The following C14orf132 variants were observed in gnomAD, a reference collection of about 807,000 sequenced individuals.
C14orf132 encodes chromosome 14 open reading frame 132, also known as uncharacterized protein C14orf132.
Under a neutral mutation model 5.8 loss-of-function variants are expected in C14orf132, and 6 were observed. That is an observed-to-expected ratio of 1.03 (90% confidence interval 0.57 to 2.04). C14orf132 has a LOEUF of 2.04. Among genes scored for constraint, C14orf132 ranks in the 30% most tolerant of loss-of-function variants. The probability of loss-of-function intolerance (pLI) is 0.00; values close to 1 mark genes in which losing one functional copy is unlikely to be tolerated. For synonymous variants in C14orf132, 51 were observed against 49.8 expected, an observed-to-expected ratio of 1.02 and a Z score of -0.10; for missense variants, 125 against 115.8, an observed-to-expected ratio of 1.08 and a Z score of -0.37.
At chr14:96,070,579 A>G (rs1887675144) in intron 1 of C14orf132, among the ~76,000 whole-genome samples, 1 of 135,924 alleles carries the variant, frequency 7.4e-6, no homozygotes, top group African/African-American at 2.9e-5. Flanking sequence ...AGGGTAGATG[A>G]AGTCTCTCTC....
At chr14:96,052,356 A>C (rs1370744515) in intron 1 of C14orf132, among the ~76,000 whole-genome samples, 1 of 152,178 alleles carries the variant, frequency 6.6e-6, no homozygotes, top group Admixed American at 6.5e-5. Context: ...AAGAATTGAG[A>C]GGGGCGTTGG....
chr14:96,049,459 G>T (rs1886933261), intron 1 of C14orf132, among the ~76,000 whole-genome samples: 1 of 145,064 alleles, frequency 6.9e-6, no homozygotes, highest in Non-Finnish European at 1.5e-5. Flanking sequence ...TCCTGCCTCA[G>T]CTATATATAT....
chr14:96,064,469 T>C (rs183673500), intron 1 of C14orf132, among the ~76,000 whole-genome samples: 4 of 151,484 alleles, frequency 2.6e-5, no homozygotes, highest in Non-Finnish European at 5.9e-5. Context: ...TATGTATATA[T>C]ATATATGATG....
chr14:96,039,540 C>G lies in C14orf132; in HGVS notation c.27+13C>G. The G allele has an allele frequency of 2.7e-6, 4 of 1,492,360 alleles. No homozygotes were observed. Among genetic ancestry groups the G allele is most frequent in the Non-Finnish European group, 3.6e-6 (4 of 1,122,650 alleles). 92.4% of individuals were successfully genotyped at this position (1,492,360 alleles called of 1,614,324 possible). ...TATGGCCGCGCAGGTAACGGGGCGT[C>G]CCCCCCACGCGCCCCGGGCCGCCAA... On this transcript the variant is annotated intron_variant, in intron 1 of 1. Transcript: ENST00000555004. This position sits in a 1 kb window ranked among gnomAD's most constrained non-coding sequence, Gnocchi z 5.3.
rs1261071136 is a variant in C14orf132 at position 96,089,948 on chromosome 14, A to T, written c.*3213A>T. ...GGGGAGAGGGATCGTCCTCATTCAG[A>T]CTCTAGCTGGGGCCTCTGTACTGGC... On this transcript the variant is annotated 3_prime_UTR_variant, in exon 2 of 2. Coordinates refer to ENST00000555004, the MANE Select transcript of C14orf132 (RefSeq NM_001252507.3). The T allele has an allele frequency of 6.6e-6, 1 of 151,762 alleles. No homozygotes were observed. Among genetic ancestry groups the T allele is most frequent in the Non-Finnish European group, 1.5e-5 (1 of 68,052 alleles). 9.4% of individuals were successfully genotyped at this position (151,762 alleles called of 1,614,324 possible).
rs928755478 is a variant in C14orf132, at chr14:96,041,651, C to T, written c.27+2124C>T. Among the ~76,000 whole-genome samples the T allele has an allele frequency of 5.9e-5, 9 of 152,200 alleles. No individual in the cohort carries two copies. The East Asian group carries it at 1.3e-3, about 23-fold the overall frequency. On this transcript the variant is annotated intron_variant, in intron 1 of 1. Transcript: ENST00000555004. ...GCTTGGCTGGAGCAAGTGCTCAGACCCTGCTCCTGGTGTGTCCTGTGGCCA... is the reference window on the plus strand; with the variant it reads ...GCTTGGCTGGAGCAAGTGCTCAGACTCTGCTCCTGGTGTGTCCTGTGGCCA...
chr14:96,039,483 G>T lies in C14orf132; in HGVS notation c.-18G>T, dbSNP rs911418641. ...CAGCGGCAGCAGCGAGGACTCGAGC[G>T]CTGGCTGCAGCGACACCATGGATCT... On this transcript the variant is annotated 5_prime_UTR_variant, in exon 1 of 2. Transcript: ENST00000555004. The surrounding 1 kb of genome is among the most constrained non-coding windows in gnomAD (Gnocchi z 5.3). 3 of 1,497,588 alleles carry T rather than the reference G, an allele frequency of 2.0e-6. No homozygotes were observed. The African/African-American group carries it at 4.3e-5, about 21-fold the overall frequency. The allele number at this position is 1,497,588 out of a possible 1,614,324, so 92.8% of individuals were successfully genotyped here. A position where few individuals can be genotyped will look rare whatever the true frequency, so the allele number is the denominator to read the frequency against.
intron 1 of C14orf132, among the ~76,000 whole-genome samples, chr14:96,065,341 G>A (rs931794009): frequency 3.9e-5 from 6 of 152,076 alleles, no homozygotes; most frequent in African/African-American, 1.5e-4. Flanking sequence ...CTGGCCTTTT[G>A]TTGCTGTTGT....
Position 96,088,906 on chromosome 14 carries a change from C to T in C14orf132, c.*2171C>T, listed in dbSNP as rs1888294738. On this transcript the variant is annotated 3_prime_UTR_variant, in exon 2 of 2. Transcript: ENST00000555004. ...CGGGTGCTTCTGGCTGCAGTTTTCC[C>T]TATGGAGGCCCCTCAGCCTCCAGCC... 1 of 152,300 alleles carries T rather than the reference C, an allele frequency of 6.6e-6. No homozygotes were observed. Among genetic ancestry groups the T allele is most frequent in the South Asian group, 2.1e-4 (1 of 4,834 alleles). The allele number at this position is 152,300 out of a possible 1,614,324, so 9.4% of individuals were successfully genotyped here. A position where few individuals can be genotyped will look rare whatever the true frequency, so the allele number is the denominator to read the frequency against.
chr14:96,076,696 G>T (rs1887876792), intron 1 of C14orf132, among the ~76,000 whole-genome samples: 1 of 152,214 alleles, frequency 6.6e-6, no homozygotes. Flanking sequence ...GTCCTGGGAT[G>T]CATGCAGCCC....
chr14:96,078,263 C>T (rs140513357), intron 1 of C14orf132, among the ~76,000 whole-genome samples: 1 of 152,214 alleles, frequency 6.6e-6, no homozygotes, highest in African/African-American at 2.4e-5. Flanking sequence ...GCAACTGACA[C>T]TGCTTTGAGA....
intron 1 of C14orf132, among the ~76,000 whole-genome samples, chr14:96,069,670 G>C (rs762749632): frequency 2.9e-4 from 44 of 152,184 alleles, no homozygotes; most frequent in Non-Finnish European, 5.3e-4. Flanking sequence ...CTCAGAGGCT[G>C]ACATCTGACC....
At chr14:96,040,994 C>T (rs12437370) in intron 1 of C14orf132, among the ~76,000 whole-genome samples, 1,858 of 152,272 alleles carry the variant, frequency 0.012, 26 homozygotes, top group Admixed American at 0.036. Context: ...GCTGGAGCAT[C>T]AGTTGCTGCC....
rs562997920 is a variant in C14orf132 at position 96,089,725 on chromosome 14, T to C, written c.*2990T>C. On this transcript the variant is annotated 3_prime_UTR_variant, in exon 2 of 2. Transcript: ENST00000555004. The stretch of plus-strand genomic sequence containing the variant: ...CCCCTTCTTTAAGACTGAACTCAAG[T>C]CTCCTTGGAAGGCCCCGGTGAAGCT... 1 of 152,162 alleles carries C rather than the reference T, an allele frequency of 6.6e-6. No homozygotes were observed. The highest frequency in any genetic ancestry group is 2.4e-5 in the African/African-American group (1 of 41,478). 9.4% of individuals were successfully genotyped at this position (152,162 alleles called of 1,614,324 possible).
intron 1 of C14orf132, among the ~76,000 whole-genome samples, chr14:96,073,561 A>G (rs1368556901): frequency 6.6e-6 from 1 of 152,248 alleles, no homozygotes; most frequent in East Asian, 1.9e-4. Flanking sequence ...TGTAAAGAAA[A>G]AGAATGCTTT....
At chr14:96,079,701 G>T (rs1566835051) in intron 1 of C14orf132, among the ~76,000 whole-genome samples, 1 of 152,154 alleles carries the variant, frequency 6.6e-6, no homozygotes, top group East Asian at 1.9e-4. Flanking sequence ...AGTGATGAGA[G>T]AAATTATCTT....
intron 1 of C14orf132, among the ~76,000 whole-genome samples, chr14:96,068,168 G>A (rs535969507): frequency 1.2e-4 from 19 of 152,322 alleles, no homozygotes; most frequent in South Asian, 1.0e-3. Flanking sequence ...TGCACCCTGC[G>A]TGGGCGAACA....
intron 1 of C14orf132, among the ~76,000 whole-genome samples, chr14:96,059,966 C>G (rs1371698840): frequency 6.6e-6 from 1 of 152,234 alleles, no homozygotes; most frequent in Non-Finnish European, 1.5e-5. Context: ...ACCAGTCAGG[C>G]TGAGACACAT....
Position 96,091,085 on chromosome 14 carries a change from G to A in C14orf132, c.*4350G>A, listed in dbSNP as rs150821137. 131 of 447,672 alleles carry A rather than the reference G, an allele frequency of 2.9e-4. No homozygotes were observed. Among genetic ancestry groups the A allele is most frequent in the African/African-American group, 2.4e-3 (121 of 50,010 alleles). The allele number at this position is 447,672 out of a possible 1,614,324, so 27.7% of individuals were successfully genotyped here. ...ACGTTAATTACTGTCGCATTTTTCT[G>A]TGGAGAAAACTGAGGCCAGGGCTGA... On this transcript the variant is annotated 3_prime_UTR_variant, in exon 2 of 2. Transcript: ENST00000555004.
Sources: gnomAD v4.1 joint callset for allele counts (sites outside exome capture counted in the v4.1 genomes callset) on GRCh38, gnomAD v4.1.1 for gene constraint, Gnocchi (gnomAD v3.1) non-coding constraint, MANE v1.5 for transcripts, NCBI Gene and HGNC (gene_info 2026-07-23, HGNC 2026-07-21) for gene names.